The following CNTN4 variants were observed in gnomAD, a reference collection of about 807,000 sequenced individuals.
CNTN4 encodes the protein contactin-4.
A neutral mutation model predicts 122.5 loss-of-function variants in CNTN4; 77 were observed. That is an observed-to-expected ratio of 0.63 (90% CI 0.52 to 0.76). CNTN4 has a LOEUF of 0.76. Among genes scored for constraint, CNTN4 ranks in the 30% least tolerant of loss-of-function variants. The pLI is 0.00. For synonymous variants in CNTN4, 512 were observed against 447.0 expected (o/e 1.15, Z -1.83); for missense variants, 1,256 against 1,259.1 (o/e 1.00, Z 0.04).
chr3:2,199,337 GTC>G (rs758261584), intron 2 of CNTN4, among the ~76,000 whole-genome samples: 1 of 151,752 alleles, frequency 6.6e-6, no homozygotes, highest in African/African-American at 2.4e-5. Flanking sequence ...GTGTGTGTGT[GTC>G]TCTGTGTGTG....
At chr3:2,748,738 C>T (rs2089931941) in intron 6 of CNTN4, among the ~76,000 whole-genome samples, 1 of 152,208 alleles carries the variant, frequency 6.6e-6, no homozygotes, top group African/African-American at 2.4e-5. Flanking sequence ...GTCCTACCTG[C>T]TCCGTCTGCA....
chr3:2,118,792 T>G (rs1047421260), intron 2 of CNTN4, among the ~76,000 whole-genome samples: 5 of 152,236 alleles, frequency 3.3e-5, no homozygotes, highest in African/African-American at 1.2e-4. Flanking sequence ...CGGGTCCGAA[T>G]GCATGCTTAT....
chr3:2,979,541 C>G (rs1462474430), intron 13 of CNTN4, among the ~76,000 whole-genome samples: 1 of 151,656 alleles, frequency 6.6e-6, no homozygotes, highest in Non-Finnish European at 1.5e-5. Flanking sequence ...TTCAGGCTTT[C>G]AGCTTTCAAA....
At chr3:2,602,119 A>G (rs1023437184) in intron 4 of CNTN4, among the ~76,000 whole-genome samples, 1 of 152,188 alleles carries the variant, frequency 6.6e-6, no homozygotes, top group African/African-American at 2.4e-5. Context: ...ATTTATGACA[A>G]ACCCACAGCC....
At chr3:3,000,921 A>G (rs1695975356) in intron 14 of CNTN4, among the ~76,000 whole-genome samples, 1 of 150,160 alleles carries the variant, frequency 6.7e-6, no homozygotes, top group African/African-American at 2.5e-5. Flanking sequence ...TTTATCCATA[A>G]TCAGCAATGC....
At chr3:2,219,998 G>T (rs974839077) in intron 2 of CNTN4, among the ~76,000 whole-genome samples, 1 of 152,172 alleles carries the variant, frequency 6.6e-6, no homozygotes, top group Non-Finnish European at 1.5e-5. Flanking sequence ...CAGGTCAAAT[G>T]TTTAAATCAA....
rs543018464 is a variant in CNTN4, at chr3:2,751,596, C to T, written c.358+5899C>T. Among the ~76,000 whole-genome samples the T allele has an allele frequency of 1.0e-3, 153 of 152,182 alleles. 1 individual carries two copies. The highest frequency in any genetic ancestry group is 3.4e-3 in the Middle Eastern group (1 of 294). ...GCCTAAAGAGGAGGGGATTTCAGTT[C>T]GTTATTTGCACAGCTTAACGAAGGG... On this transcript the variant is annotated intron_variant, in intron 6 of 24. Transcript: ENST00000418658.
At chr3:2,692,480 G>A (rs17567459) in intron 4 of CNTN4, among the ~76,000 whole-genome samples, 3,702 of 152,084 alleles carry the variant, frequency 0.024, 79 homozygotes, top group Admixed American at 0.064. Flanking sequence ...GGAACACGTG[G>A]GATCTTTTCT....
intron 13 of CNTN4, among the ~76,000 whole-genome samples, chr3:2,929,665 T>C (rs2094503168): frequency 6.6e-6 from 1 of 152,180 alleles, no homozygotes; most frequent in Non-Finnish European, 1.5e-5. Flanking sequence ...TTTTGGCTTC[T>C]TTTCCAACAG....
chr3:2,105,375 C>T (rs564225413), intron 2 of CNTN4, among the ~76,000 whole-genome samples: 1 of 152,282 alleles, frequency 6.6e-6, no homozygotes, highest in East Asian at 1.9e-4. Context: ...TTAGTCTATT[C>T]TCACACTGCT....
chr3:2,856,150 C>T (rs950951872), intron 7 of CNTN4, among the ~76,000 whole-genome samples: 3 of 152,132 alleles, frequency 2.0e-5, no homozygotes, highest in African/African-American at 7.2e-5. Context: ...AAGTTGATTT[C>T]ACAAAAGTAA....
intron 8 of CNTN4, among the ~76,000 whole-genome samples, chr3:2,878,553 C>CTGTGTGTGTGTGTG (rs60925207): frequency 0.073 from 10,746 of 146,820 alleles, 464 homozygotes; most frequent in Middle Eastern, 0.15. Context: ...GAGATGCTCT[C>CTGTGTGTGTGTGTG]TGTGTGTGTG....
chr3:2,248,816 G>C (rs954766667), intron 2 of CNTN4, among the ~76,000 whole-genome samples: 2 of 151,954 alleles, frequency 1.3e-5, no homozygotes, highest in African/African-American at 4.8e-5. Flanking sequence ...GGATATTGTA[G>C]ATTGTTTATA....
intron 4 of CNTN4, among the ~76,000 whole-genome samples, chr3:2,585,773 G>A (rs1463043527): frequency 2.0e-5 from 3 of 150,982 alleles, no homozygotes; most frequent in Admixed American, 1.3e-4. Context: ...CACCAACATG[G>A]CACACGTATA....
intron 3 of CNTN4, among the ~76,000 whole-genome samples, chr3:2,483,855 C>T (rs904541932): frequency 2.0e-5 from 3 of 152,056 alleles, no homozygotes; most frequent in Non-Finnish European, 4.4e-5. Context: ...TTCATAGCAG[C>T]GTGAGAACAG....
At chr3:2,929,141 C>G (rs968486334) in intron 13 of CNTN4, among the ~76,000 whole-genome samples, 6 of 152,068 alleles carry the variant, frequency 3.9e-5, no homozygotes, top group African/African-American at 1.4e-4. Flanking sequence ...GTGTGTGTCT[C>G]CAGCAATCAG....
intron 4 of CNTN4, among the ~76,000 whole-genome samples, chr3:2,594,834 T>C (rs766831316): frequency 6.6e-6 from 1 of 152,152 alleles, no homozygotes; most frequent in Non-Finnish European, 1.5e-5. Context: ...ATGTTTGCAT[T>C]TAGAGTAGTT....
chr3:2,723,398 T>C (rs1156642574), intron 4 of CNTN4, among the ~76,000 whole-genome samples: 2 of 152,202 alleles, frequency 1.3e-5, no homozygotes, highest in African/African-American at 4.8e-5. Flanking sequence ...GACTATATTA[T>C]GCATAAAGAA....
chr3:2,417,095 G>A (rs1001702136), intron 3 of CNTN4, among the ~76,000 whole-genome samples: 6 of 152,150 alleles, frequency 3.9e-5, no homozygotes, highest in South Asian at 2.1e-4. Flanking sequence ...CATGCTGCCC[G>A]CTCCCTTCAG....
Sources: allele counts gnomAD v4.1 joint callset (sites outside exome capture counted in the v4.1 genomes callset), GRCh38; gene constraint gnomAD v4.1.1; transcripts MANE v1.5; gene names NCBI Gene and HGNC (gene_info 2026-07-23, HGNC 2026-07-21).